Variants in RBFOX1 observed in about 807,000 individuals in gnomAD.
RBFOX1 encodes RNA binding fox-1 homolog 1, also known as RNA binding protein fox-1 homolog 1.
Under a neutral mutation model 57.7 loss-of-function variants are expected in RBFOX1, and 8 were observed. The observed-to-expected ratio is 0.14, with a 90% confidence interval of 0.08 to 0.25. The LOEUF is 0.25. Among genes scored for constraint, RBFOX1 ranks in the 10% least tolerant of loss-of-function variants. RBFOX1 has a pLI of 1.00. For synonymous variants in RBFOX1, 326 were observed against 222.4 expected (o/e 1.47, Z -4.15); for missense variants, 611 against 548.5 (o/e 1.11, Z -1.14).
At chr16:6,872,353 T>C (rs950569951) in intron 3 of RBFOX1, among the ~76,000 whole-genome samples, 2 of 152,172 alleles carry the variant, frequency 1.3e-5, no homozygotes, top group African/African-American at 4.8e-5. Context: ...GTTTCTCTCT[T>C]TTTCTCTTTC....
At chr16:6,995,387 T>A (rs902214018) in intron 3 of RBFOX1, among the ~76,000 whole-genome samples, 1 of 151,600 alleles carries the variant, frequency 6.6e-6, no homozygotes, top group Non-Finnish European at 1.5e-5. Context: ...GATGGATTTT[T>A]CACTTTATTA....
At chr16:6,985,983 G>A (rs534184007) in intron 3 of RBFOX1, among the ~76,000 whole-genome samples, 1 of 151,226 alleles carries the variant, frequency 6.6e-6, no homozygotes, top group Non-Finnish European at 1.5e-5. Context: ...CTTACCGGAC[G>A]AGAGAAATTT....
chr16:7,090,779 C>G (rs534771473), intron 4 of RBFOX1, among the ~76,000 whole-genome samples: 1 of 152,112 alleles, frequency 6.6e-6, no homozygotes, highest in Non-Finnish European at 1.5e-5. Context: ...GCCTTCCCTA[C>G]GGACTTCTTG....
intron 2 of RBFOX1, among the ~76,000 whole-genome samples, chr16:5,560,020 G>T (rs557247971): frequency 1.3e-5 from 2 of 152,262 alleles, no homozygotes; most frequent in South Asian, 4.2e-4. Flanking sequence ...AGTGAATTTA[G>T]TTCTCTTGTC....
At chr16:6,878,620 T>A (rs2062296930) in intron 3 of RBFOX1, among the ~76,000 whole-genome samples, 1 of 152,170 alleles carries the variant, frequency 6.6e-6, no homozygotes, top group Non-Finnish European at 1.5e-5. Context: ...TTTGTTTGTG[T>A]GTTGTCAAGG....
rs557504467 is a variant in RBFOX1, at chr16:5,379,451, C to T, written c.220-87765C>T. Among the ~76,000 whole-genome samples the T allele has an allele frequency of 2.0e-5, 3 of 147,314 alleles. 1 individual carries two copies. Among genetic ancestry groups the T allele is most frequent in the African/African-American group, 5.4e-5 (2 of 36,772 alleles). On this transcript the variant is annotated intron_variant, in intron 1 of 2. Transcript: ENST00000585867. ...GCTGTGGCTCTAATGGAAAGTGTGT[C>T]TGAAAACATAATCATCTCTGAATGA...
At chr16:7,108,061 A>G (rs534488655) in intron 4 of RBFOX1, among the ~76,000 whole-genome samples, 1 of 152,284 alleles carries the variant, frequency 6.6e-6, no homozygotes, top group East Asian at 1.9e-4. Flanking sequence ...GAATCAAGCA[A>G]AGATGCTGCT....
chr16:7,205,189 G>C (rs533557790), intron 4 of RBFOX1, among the ~76,000 whole-genome samples: 7 of 152,092 alleles, frequency 4.6e-5, no homozygotes. Context: ...AGGCTTGCTC[G>C]ATGAATATTT....
chr16:5,859,917 G>T (rs1369187156), intron 3 of RBFOX1, among the ~76,000 whole-genome samples: 2 of 152,180 alleles, frequency 1.3e-5, no homozygotes, highest in Non-Finnish European at 1.5e-5. Context: ...AAATTCAGTT[G>T]ACTGGCACAT....
chr16:7,621,009 T>G (rs1418774517), intron 10 of RBFOX1, among the ~76,000 whole-genome samples: 1 of 152,026 alleles, frequency 6.6e-6, no homozygotes, highest in African/African-American at 2.4e-5. Context: ...CTGCATCCCC[T>G]GGAAGCCTAT....
At chr16:6,857,967 G>A (rs1212023368) in intron 3 of RBFOX1, among the ~76,000 whole-genome samples, 1 of 152,050 alleles carries the variant, frequency 6.6e-6, no homozygotes, top group Non-Finnish European at 1.5e-5. Context: ...GTTTTTCGTA[G>A]GTCAGATGAA....
chr16:7,559,214 CAAAT>C (rs892412038), intron 5 of RBFOX1, among the ~76,000 whole-genome samples: 6 of 152,156 alleles, frequency 3.9e-5, no homozygotes, highest in African/African-American at 1.4e-4. Flanking sequence ...TCGAAAGTAT[CAAAT>C]AGTCAGTGGT....
intron 4 of RBFOX1, among the ~76,000 whole-genome samples, chr16:7,499,361 C>G (rs77160581): frequency 0.015 from 2,351 of 152,254 alleles, 62 homozygotes; most frequent in African/African-American, 0.053. Context: ...GCCCACCCTG[C>G]TCGCTACTCA....
intron 2 of RBFOX1, among the ~76,000 whole-genome samples, chr16:6,328,128 A>C (rs1368678002): frequency 6.6e-6 from 1 of 152,240 alleles, no homozygotes; most frequent in Non-Finnish European, 1.5e-5. Flanking sequence ...GAAATGAATT[A>C]GTGGCTTTTT....
chr16:6,507,526 G>C (rs867304392), intron 2 of RBFOX1, among the ~76,000 whole-genome samples: 3 of 56,488 alleles, frequency 5.3e-5, no homozygotes, highest in Non-Finnish European at 4.5e-5. Flanking sequence ...AAAAAAAAAA[G>C]CCTGGCATAG....
intron 1 of RBFOX1, among the ~76,000 whole-genome samples, chr16:5,457,706 C>T (rs141317746): frequency 6.6e-6 from 1 of 152,330 alleles, no homozygotes; most frequent in East Asian, 1.9e-4. Flanking sequence ...ATGCACCCAC[C>T]CCTGTAACTG....
At chr16:7,117,993 T>C (rs2066286846) in intron 4 of RBFOX1, among the ~76,000 whole-genome samples, 2 of 152,328 alleles carry the variant, frequency 1.3e-5, no homozygotes, top group Admixed American at 6.5e-5. Context: ...ATCACTTAGG[T>C]TGATTTCCTC....
intron 3 of RBFOX1, among the ~76,000 whole-genome samples, chr16:6,821,892 G>A (rs2091369420): frequency 1.3e-5 from 2 of 152,166 alleles, no homozygotes; most frequent in Admixed American, 1.3e-4. Context: ...GCATGAAATT[G>A]CTAGGTCATA....
chr16:6,142,591 G>T (rs916171657), intron 1 of RBFOX1, among the ~76,000 whole-genome samples: 13 of 152,176 alleles, frequency 8.5e-5, no homozygotes, highest in Admixed American at 8.5e-4. Flanking sequence ...TTTCAGGAAG[G>T]CAATGGCTCT....
Sources: allele counts gnomAD v4.1 joint callset (sites outside exome capture counted in the v4.1 genomes callset), GRCh38; gene constraint gnomAD v4.1.1; transcripts MANE v1.5; gene names NCBI Gene and HGNC (gene_info 2026-07-23, HGNC 2026-07-21).